POLB: variants seen among roughly 807,000 people sequenced by gnomAD.
POLB encodes the protein DNA polymerase beta.
A neutral mutation model predicts 52.7 loss-of-function variants in POLB; 37 were observed. The ratio of observed to expected loss-of-function variants is 0.70; its 90% CI spans 0.54 to 0.92. POLB has a LOEUF of 0.92. Ranked by LOEUF, POLB falls within the 40% of genes least tolerant of loss-of-function variation. The probability of loss-of-function intolerance (pLI) is 0.00; values close to 1 mark genes in which losing one functional copy is unlikely to be tolerated. For missense variants in POLB, 313 were observed against 400.8 expected, an observed-to-expected ratio of 0.78 and a Z score of 1.87; for synonymous variants, 138 against 131.3, an observed-to-expected ratio of 1.05 and a Z score of -0.35.
intron 13 of POLB, 74 bp downstream of exon 13, chr8:42,370,062 A>G: frequency 8.5e-7 from 1 of 1,180,068 alleles, no homozygotes; most frequent in African/African-American, 1.5e-5. Context: ...ACTTTGGTTT[A>G]GCAAACCTTC....
intron 4 of POLB, 150 bp from the exon 5 acceptor site, chr8:42,349,857 T>C (rs141956709): frequency 1.6e-6 from 1 of 632,162 alleles, no homozygotes; most frequent in East Asian, 2.7e-5. Flanking sequence ...CTATTACTCC[T>C]TAGGTTACTT....
chr8:42,349,723 C>T (rs1289037931), intron 4 of POLB, among the ~76,000 whole-genome samples: 2 of 152,190 alleles, frequency 1.3e-5, no homozygotes, highest in Non-Finnish European at 2.9e-5. Context: ...CTCTCCCAAG[C>T]ATTTTTATGG....
chr8:42,338,933 G>A, intron 1 of POLB, 79 bp from the exon 2 acceptor site: 1 of 1,246,170 alleles, frequency 8.0e-7, no homozygotes, highest in Non-Finnish European at 1.2e-6. Context: ...CTTAGAGGCT[G>A]CCATATCCCC....
intron 9 of POLB, chr8:42,357,728 CTTT>C (rs373576053): frequency 1.3e-3 from 187 of 145,422 alleles, no homozygotes; most frequent in South Asian, 3.6e-3. Flanking sequence ...TTTCTTTTTC[CTTT>C]TTTTTTTTTT....
chr8:42,352,411 T>A, intron 5 of POLB, 108 bp from the exon 6 acceptor site: 9 of 749,698 alleles, frequency 1.2e-5, no homozygotes. Flanking sequence ...TGCAACATTT[T>A]AGCAGGTCTT....
At chr8:42,354,508 G>C (rs2130813566) in intron 6 of POLB, 1 of 1,233,708 alleles carries the variant, frequency 8.1e-7, no homozygotes, top group East Asian at 5.6e-5. Flanking sequence ...CAATTCTTAA[G>C]TTAAAAAATG....
intron 13 of POLB, among the ~76,000 whole-genome samples, chr8:42,370,499 C>T (rs890493294): frequency 2.6e-5 from 4 of 151,550 alleles, no homozygotes; most frequent in African/African-American, 7.3e-5. Context: ...GAATTTTTGT[C>T]ATTTTGTCCT....
intron 6 of POLB, among the ~76,000 whole-genome samples, chr8:42,354,751 T>G (rs1823194129): frequency 6.6e-6 from 1 of 150,942 alleles, no homozygotes; most frequent in African/African-American, 2.4e-5. Context: ...ACCATGTTGG[T>G]CAGGCTGGTC....
At position 42,350,023 on chromosome 8, in the gene POLB, C is replaced by T. The variant is rs377121458; in HGVS notation, c.278C>T (p.Thr93Met). Residue 93 changes from threonine (T) to methionine (M), a missense_variant, in exon 5 of 14, where the codon ACG (threonine) becomes ATG (methionine). By Grantham distance (81) the Thr-to-Met change is moderately conservative (BLOSUM62 -1). Coordinates refer to ENST00000265421, the MANE Select transcript of POLB (RefSeq NM_002690.3). ...RKLEKIRQDD[T>M]SSSINFLTRV... ...TTCTTAAAGATTCGGCAGGATGATACGAGTTCATCCATCAATTTCCTGACT... is the reference window on the plus strand; with the variant it reads ...TTCTTAAAGATTCGGCAGGATGATATGAGTTCATCCATCAATTTCCTGACT... The T allele has an allele frequency of 1.8e-5, 29 of 1,604,792 alleles. No homozygotes were observed. Among genetic ancestry groups the T allele is most frequent in the African/African-American group, 5.4e-5 (4 of 74,666 alleles).
intron 13 of POLB, 114 bp from the exon 14 acceptor site, chr8:42,371,449 A>C: frequency 4.6e-6 from 2 of 437,398 alleles, no homozygotes; most frequent in Non-Finnish European, 8.2e-6. Context: ...TGACTTGGTT[A>C]CCATTTTCTT....
At chr8:42,363,295 G>A (rs1462893743) in intron 11 of POLB, among the ~76,000 whole-genome samples, 3 of 151,802 alleles carry the variant, frequency 2.0e-5, no homozygotes, top group Non-Finnish European at 4.4e-5. Context: ...TTGGGAGGCC[G>A]AGGTCAGCGG....
intron 11 of POLB, among the ~76,000 whole-genome samples, chr8:42,366,410 T>G (rs886727098): frequency 4.6e-5 from 7 of 152,306 alleles, no homozygotes; most frequent in South Asian, 4.1e-4. Context: ...TATTTGTTTT[T>G]AAAGTATAGA....
At position 42,349,066 on chromosome 8, in the gene POLB, T is replaced by C; in HGVS notation, c.237T>C (p.Thr79=). The stretch of plus-strand genomic sequence containing the variant: ...AAAAGATTGATGAGTTTTTAGCAAC[T>C]GGAAAATTACGTAAACTGGAAAAGG... The part of the protein sequence containing the change: ...IAEKIDEFLA[T]GKLRKLEKIR... Residue 79 remains threonine (T), a synonymous_variant, in exon 4 of 14, where the codon ACT becomes ACC. Transcript: ENST00000265421. 6.2e-7 allele frequency: 1 copy of C among 1,602,068 alleles called. No individual in the cohort carries two copies.
intron 2 of POLB, chr8:42,341,688 T>G: frequency 3.6e-6 from 1 of 279,432 alleles, no homozygotes; most frequent in East Asian, 8.6e-5. Flanking sequence ...TATGCTGAAC[T>G]GCAGTGGGAA....
intron 10 of POLB, 122 bp downstream of exon 10, chr8:42,361,487 G>C: frequency 1.4e-6 from 1 of 707,562 alleles, no homozygotes; most frequent in Non-Finnish European, 2.5e-6. Context: ...AGTCTGAAGA[G>C]CTTTGTACTG....
chr8:42,371,688 A>G lies in POLB; in HGVS notation c.*31A>G, dbSNP rs1414919292. On this transcript the variant is annotated 3_prime_UTR_variant, in exon 14 of 14. Transcript: ENST00000265421. Reference sequence around the variant, plus strand: ...GTATCCTCCCTGGCAGACACAACCCAATAGGAGTCTTAATTTATTTCTTAA... The same window carrying G: ...GTATCCTCCCTGGCAGACACAACCCGATAGGAGTCTTAATTTATTTCTTAA... 1.6e-6 allele frequency: 2 copies of G among 1,223,030 alleles called. No individual in the cohort carries two copies. The highest frequency in any genetic ancestry group is 3.0e-5 in the African/African-American group (2 of 67,468). The allele number at this position is 1,223,030 out of a possible 1,614,324, so 75.8% of individuals were successfully genotyped here. A position where few individuals can be genotyped will look rare whatever the true frequency, so the allele number is the denominator to read the frequency against.
chr8:42,343,335 AAAAAAAAAAAAT>A (rs1313645608), intron 2 of POLB, among the ~76,000 whole-genome samples: 37 of 49,968 alleles, frequency 7.4e-4, no homozygotes, highest in African/African-American at 1.5e-3. Flanking sequence ...AAAAAAAAAA[AAAAAAAAAAAAT>A]ATATATATAT....
At chr8:42,355,589 T>C in intron 7 of POLB, 22 bp downstream of exon 7, 2 of 1,513,404 alleles carry the variant, frequency 1.3e-6, no homozygotes, top group South Asian at 2.3e-5. Flanking sequence ...GATTTTCTTT[T>C]GACACTTGAG....
chr8:42,348,549 A>G (rs1302365425), intron 3 of POLB, among the ~76,000 whole-genome samples: 2 of 152,174 alleles, frequency 1.3e-5, no homozygotes, highest in Non-Finnish European at 2.9e-5. Context: ...CCTACTCCAG[A>G]CATGGTGAAT....
Sources: allele counts gnomAD v4.1 joint callset (sites outside exome capture counted in the v4.1 genomes callset), GRCh38; gene constraint gnomAD v4.1.1; transcripts MANE v1.5; gene names NCBI Gene and HGNC (gene_info 2026-07-23, HGNC 2026-07-21).